The following CSMD3 variants were observed in gnomAD, a reference collection of about 807,000 sequenced individuals.
CSMD3 encodes CUB and Sushi multiple domains 3.
In CSMD3, 177 loss-of-function variants were observed where a neutral mutation model predicts 435.2. The observed-to-expected ratio is 0.41, with a 90% CI of 0.36 to 0.46. The LOEUF (loss-of-function observed/expected upper bound fraction) is 0.46, where lower values mean the gene tolerates loss of function less well. CSMD3 is among the 20% of genes least tolerant of loss of function. The pLI is 0.34. For synonymous variants in CSMD3, 1,656 were observed against 1,520.5 expected (o/e 1.09, Z -2.07); for missense variants, 4,265 against 4,504.6 (o/e 0.95, Z 1.52).
intron 27 of CSMD3, among the ~76,000 whole-genome samples, chr8:112,549,004 G>A (rs906112864): frequency 3.9e-5 from 6 of 151,988 alleles, no homozygotes; most frequent in African/African-American, 4.8e-5. Context: ...TCCCAGAAAT[G>A]CATCTAAAAT....
rs77533934 is a variant in CSMD3 at position 112,816,447 on chromosome 8, C to T, written c.1859+13239G>A. On this transcript the variant is annotated intron_variant, in intron 12 of 70. Coordinates refer to ENST00000297405, the MANE Select transcript of CSMD3 (RefSeq NM_198123.2). ...TCAATTCTCCAAGCCCTTTTCATAC[C>T]GTGGCAATTAATCTCTAAAAAATAT... Among the ~76,000 whole-genome samples the T allele has an allele frequency of 1.9e-3, 288 of 152,130 alleles. 1 individual carries two copies. The highest frequency in any genetic ancestry group is 6.5e-3 in the African/African-American group (270 of 41,530).
chr8:112,965,757 T>G (rs946303744), intron 7 of CSMD3, among the ~76,000 whole-genome samples: 2 of 151,946 alleles, frequency 1.3e-5, no homozygotes, highest in Admixed American at 6.6e-5. Context: ...TAACATTTTA[T>G]TTTTTCTCTT....
intron 11 of CSMD3, among the ~76,000 whole-genome samples, chr8:112,849,427 T>A (rs1299038317): frequency 2.6e-5 from 4 of 152,058 alleles, no homozygotes; most frequent in African/African-American, 9.7e-5. Flanking sequence ...ATTGTCTAAT[T>A]AAAATCATTG....
intron 12 of CSMD3, among the ~76,000 whole-genome samples, chr8:112,827,593 A>T (rs141328522): frequency 6.6e-6 from 1 of 152,302 alleles, no homozygotes; most frequent in African/African-American, 2.4e-5. Context: ...AACATCTGCA[A>T]TGTGTGAGGA....
intron 4 of CSMD3, among the ~76,000 whole-genome samples, chr8:113,104,943 G>A (rs2090430636): frequency 6.6e-6 from 1 of 152,018 alleles, no homozygotes; most frequent in African/African-American, 2.4e-5. Context: ...ACCTTCCAAA[G>A]AGACATGTTG....
intron 16 of CSMD3, among the ~76,000 whole-genome samples, chr8:112,678,475 C>A (rs760190862): frequency 4.2e-4 from 64 of 152,114 alleles, no homozygotes; most frequent in Non-Finnish European, 8.1e-4. Flanking sequence ...CTCTCCTTTA[C>A]AAACTGATCT....
intron 32 of CSMD3, among the ~76,000 whole-genome samples, chr8:112,416,131 C>T (rs1157702162): frequency 6.6e-6 from 1 of 152,156 alleles, no homozygotes; most frequent in Admixed American, 6.5e-5. Context: ...CAAATCTCAT[C>T]TTGAATTGTA....
intron 62 of CSMD3, 150 bp from the exon 63 acceptor site, chr8:112,254,476 C>G (rs947116907): frequency 3.1e-6 from 2 of 655,154 alleles, no homozygotes; most frequent in Non-Finnish European, 5.4e-6. Context: ...TCTCCATGGA[C>G]AGAAGCCTGT....
At chr8:112,800,513 T>C (rs768434281) in intron 12 of CSMD3, among the ~76,000 whole-genome samples, 11 of 152,138 alleles carry the variant, frequency 7.2e-5, no homozygotes, top group Non-Finnish European at 1.3e-4. Flanking sequence ...TGAGGCAAGG[T>C]CATGATATTT....
chr8:112,637,092 GT>G (rs2074682833), intron 21 of CSMD3, 87 bp from the exon 22 acceptor site: 6 of 1,062,776 alleles, frequency 5.6e-6, no homozygotes, highest in Middle Eastern at 2.0e-4. Context: ...TATTCCTATT[GT>G]TTTTAGAACC....
intron 32 of CSMD3, among the ~76,000 whole-genome samples, chr8:112,420,773 C>A (rs1338672635): frequency 1.3e-5 from 2 of 152,146 alleles, no homozygotes; most frequent in Admixed American, 1.3e-4. Flanking sequence ...GAGAGAGATA[C>A]TATGTGGATA....
chr8:113,274,499 C>A (rs1053610393), intron 3 of CSMD3, among the ~76,000 whole-genome samples: 1 of 152,020 alleles, frequency 6.6e-6, no homozygotes, highest in East Asian at 1.9e-4. Context: ...AAATTGACAT[C>A]AGTGCAACAT....
chr8:112,650,272 T>C lies in CSMD3; in HGVS notation c.3082A>G (p.Ile1028Val). 6 of 1,613,514 alleles carry C rather than the reference T, an allele frequency of 3.7e-6. No individual in the cohort carries two copies. Among genetic ancestry groups the C allele is most frequent in the Non-Finnish European group, 5.1e-6 (6 of 1,179,712 alleles). The change falls in exon 19 of 71, where the codon ATT becomes GTT. Residue 1028 changes from isoleucine (I) to valine (V), a missense_variant. Ile to Val is a conservative substitution (Grantham distance 29). Transcript: ENST00000297405. ...CAACTAAATGAAACAGTAGAGCCAA[T>C]GGAGAAATCATGACCATAGCGACGG... ...HGRRYGHDFS[I>V]GSTVSFSCDS... is the part of the protein sequence containing the mutation.
chr8:113,122,921 G>A (rs2091025288), intron 4 of CSMD3, among the ~76,000 whole-genome samples: 1 of 151,352 alleles, frequency 6.6e-6, no homozygotes, highest in Non-Finnish European at 1.5e-5. Flanking sequence ...TGTCAGGCAG[G>A]AGGAAGCTAG....
At chr8:113,095,613 T>A (rs1222937604) in intron 5 of CSMD3, among the ~76,000 whole-genome samples, 1 of 152,144 alleles carries the variant, frequency 6.6e-6, no homozygotes, top group Non-Finnish European at 1.5e-5. Flanking sequence ...CAATCTTATA[T>A]GTCTGTGGGA....
chr8:113,413,113 T>C (rs1453550457), intron 1 of CSMD3, among the ~76,000 whole-genome samples: 9 of 152,148 alleles, frequency 5.9e-5, no homozygotes, highest in Non-Finnish European at 1.2e-4. Context: ...CAACTTTCAG[T>C]TTAGAAATTA....
intron 4 of CSMD3, among the ~76,000 whole-genome samples, chr8:113,133,376 C>A (rs1007408737): frequency 2.0e-5 from 3 of 152,030 alleles, no homozygotes; most frequent in Non-Finnish European, 4.4e-5. Context: ...CACCTCACAC[C>A]GTTAGGATTG....
chr8:112,273,846 C>A (rs558473669), intron 59 of CSMD3, among the ~76,000 whole-genome samples: 17 of 150,920 alleles, frequency 1.1e-4, no homozygotes, highest in Non-Finnish European at 2.4e-4. Context: ...TCATCAGGTG[C>A]TATGCTCCAC....
In CSMD3 at chr8:113,273,822, A is replaced by G. The variant is rs540338277; in HGVS notation, c.514+4770T>C. 2.0e-5 allele frequency among the ~76,000 whole-genome samples: 3 copies of G among 152,266 alleles called. No individual in the cohort carries two copies. In the East Asian group the frequency reaches 5.8e-4, roughly 29 times the overall value. On this transcript the variant is annotated intron_variant, in intron 3 of 70. Coordinates refer to ENST00000297405, the MANE Select transcript of CSMD3 (RefSeq NM_198123.2). ...ATATGTTGATTAATCTTTTGTATTTAGGATAAACTATCAGGTATAGCTAAT... is the reference window on the plus strand; with the variant it reads ...ATATGTTGATTAATCTTTTGTATTTGGGATAAACTATCAGGTATAGCTAAT...
Sources: allele counts gnomAD v4.1 joint callset (sites outside exome capture counted in the v4.1 genomes callset), GRCh38; gene constraint gnomAD v4.1.1; transcripts MANE v1.5; gene names NCBI Gene and HGNC (gene_info 2026-07-23, HGNC 2026-07-21).